The following PDE7B variants were observed in gnomAD, a reference collection of about 807,000 sequenced individuals.
PDE7B encodes 3',5'-cyclic-AMP phosphodiesterase 7B.
PDE7B carries 29 observed loss-of-function variants against 56.2 expected under a neutral mutation model. The ratio of observed to expected loss-of-function variants is 0.52; its 90% CI spans 0.38 to 0.70. The LOEUF (loss-of-function observed/expected upper bound fraction) is 0.70. Among genes scored for constraint, PDE7B ranks in the 30% least tolerant of loss-of-function variants. PDE7B has a pLI of 0.00. For missense variants in PDE7B, 490 were observed against 565.0 expected, an observed-to-expected ratio of 0.87 and a Z score of 1.35; for synonymous variants, 197 against 196.9, an observed-to-expected ratio of 1.00 and a Z score of 0.00.
chr6:136,009,994 G>A (rs111928208), intron 2 of PDE7B, among the ~76,000 whole-genome samples: 2,017 of 152,174 alleles, frequency 0.013, 48 homozygotes, highest in African/African-American at 0.046. Context: ...TAGCTTTGGG[G>A]TTGATTTGTT....
intron 11 of PDE7B, among the ~76,000 whole-genome samples, chr6:136,183,811 A>G (rs1779105826): frequency 6.6e-6 from 1 of 152,140 alleles, no homozygotes; most frequent in Non-Finnish European, 1.5e-5. Flanking sequence ...TGTCCTGGAC[A>G]AAGTACCTTT....
At chr6:135,863,204 T>C (rs1403707189) in intron 1 of PDE7B, among the ~76,000 whole-genome samples, 2 of 152,030 alleles carry the variant, frequency 1.3e-5, no homozygotes, top group Non-Finnish European at 2.9e-5. Context: ...TGTATCTTTA[T>C]TGATTTTCTT....
intron 5 of PDE7B, among the ~76,000 whole-genome samples, chr6:136,150,803 G>C (rs145789989): frequency 2.1e-3 from 312 of 152,056 alleles, no homozygotes; most frequent in African/African-American, 7.1e-3. Flanking sequence ...GTGACTTAAG[G>C]AACATTTCAA....
In PDE7B at chr6:135,967,417, T is replaced by C. The variant is rs541395230; in HGVS notation, c.82+19893T>C. On this transcript the variant is annotated intron_variant, in intron 2 of 12. Transcript: ENST00000308191. ...TATGGTCACTTTCTATCAAGAAACC[T>C]TGGTAGTTGAGTGAACCACATTTTT... 7.2e-5 allele frequency among the ~76,000 whole-genome samples: 11 copies of C among 152,352 alleles called. No homozygotes were observed. The South Asian group carries it at 2.3e-3, about 32-fold the overall frequency.
chr6:136,182,792 G>A (rs1779087117), intron 11 of PDE7B, among the ~76,000 whole-genome samples: 1 of 152,086 alleles, frequency 6.6e-6, no homozygotes, highest in African/African-American at 2.4e-5. Context: ...TCTTTTCTTG[G>A]GCCTGGTGCA....
chr6:136,170,258 T>C (rs992285139), intron 8 of PDE7B, among the ~76,000 whole-genome samples: 3 of 152,168 alleles, frequency 2.0e-5, no homozygotes, highest in African/African-American at 7.2e-5. Flanking sequence ...TTATTTTCCT[T>C]GCTTCTTTTC....
Position 135,987,499 on chromosome 6 carries a change from C to T in PDE7B, c.82+39975C>T, listed in dbSNP as rs62429928. Among the ~76,000 whole-genome samples the T allele has an allele frequency of 4.4e-3, 668 of 152,178 alleles. 2 individuals are homozygous for T. Among genetic ancestry groups the T allele is most frequent in the Non-Finnish European group, 7.1e-3 (482 of 68,006 alleles). ...TTCATTCCATTTGTGATTGTGGTAT[C>T]TCAAATGGAGGCCACCAGAACTGAG... On this transcript the variant is annotated intron_variant, in intron 2 of 12. Coordinates refer to ENST00000308191, the MANE Select transcript of PDE7B (RefSeq NM_018945.4).
intron 3 of PDE7B, among the ~76,000 whole-genome samples, chr6:136,123,928 A>G (rs1777979407): frequency 6.6e-6 from 1 of 152,212 alleles, no homozygotes; most frequent in East Asian, 1.9e-4. Context: ...AATTTTATCT[A>G]ACATTAATAG....
intron 2 of PDE7B, among the ~76,000 whole-genome samples, chr6:136,038,749 G>C (rs1183132114): frequency 1.3e-5 from 2 of 152,160 alleles, no homozygotes; most frequent in African/African-American, 4.8e-5. Context: ...CTGGGTCCTG[G>C]ACTCAGCTTG....
chr6:135,980,080 T>G (rs1775268053), intron 2 of PDE7B, among the ~76,000 whole-genome samples: 1 of 152,140 alleles, frequency 6.6e-6, no homozygotes, highest in Admixed American at 6.5e-5. Flanking sequence ...ATGGTACTGG[T>G]ACCAAAACAG....
At chr6:135,934,832 A>ATTTATT (rs1562445017) in intron 1 of PDE7B, among the ~76,000 whole-genome samples, 1 of 110,352 alleles carries the variant, frequency 9.1e-6, no homozygotes, top group Non-Finnish European at 1.7e-5. Context: ...TTAATAAATA[A>ATTTATT]ATATATATAT....
intron 2 of PDE7B, among the ~76,000 whole-genome samples, chr6:136,102,206 T>C (rs1777574380): frequency 6.6e-6 from 1 of 151,538 alleles, no homozygotes; most frequent in Non-Finnish European, 1.5e-5. Context: ...CATAAAGCCC[T>C]TCAAACAGAT....
intron 8 of PDE7B, among the ~76,000 whole-genome samples, chr6:136,173,513 G>C (rs1453654952): frequency 6.6e-6 from 1 of 152,152 alleles, no homozygotes; most frequent in Non-Finnish European, 1.5e-5. Flanking sequence ...CTGAGCTATT[G>C]GAAGAGGGGC....
intron 6 of PDE7B, among the ~76,000 whole-genome samples, chr6:136,152,636 T>A (rs1778539288): frequency 6.6e-6 from 1 of 152,242 alleles, no homozygotes; most frequent in South Asian, 2.1e-4. Context: ...GTGCATATTC[T>A]TATTTATCTG....
chr6:135,990,708 C>T (rs1223102097), intron 2 of PDE7B, among the ~76,000 whole-genome samples: 2 of 152,234 alleles, frequency 1.3e-5, no homozygotes, highest in African/African-American at 2.4e-5. Flanking sequence ...AAAATGTTCT[C>T]ACCACAAATA....
chr6:135,975,556 T>C (rs114203523), intron 2 of PDE7B, among the ~76,000 whole-genome samples: 4,608 of 152,214 alleles, frequency 0.03, 204 homozygotes, highest in African/African-American at 0.098. Context: ...TGTGTGCATA[T>C]TTGGGTTTCT....
intron 1 of PDE7B, among the ~76,000 whole-genome samples, chr6:135,858,472 AAATTTCTTCATT>A (rs146582918): frequency 0.013 from 1,991 of 152,186 alleles, 30 homozygotes; most frequent in African/African-American, 0.046. Flanking sequence ...TTTTGCTTTA[AAATTTCTTCATT>A]AATTTCTTTC....
intron 2 of PDE7B, among the ~76,000 whole-genome samples, chr6:136,020,510 C>G (rs906099623): frequency 6.6e-6 from 1 of 151,994 alleles, no homozygotes; most frequent in Non-Finnish European, 1.5e-5. Context: ...TCTTATGGAT[C>G]TCCTTTCTTA....
chr6:135,853,311 T>C (rs1226637064), intron 1 of PDE7B, among the ~76,000 whole-genome samples: 1 of 152,166 alleles, frequency 6.6e-6, no homozygotes, highest in Non-Finnish European at 1.5e-5. Flanking sequence ...TGCATAAGAC[T>C]GGAATGTACT....
Sources: gnomAD v4.1 joint callset for allele counts (sites outside exome capture counted in the v4.1 genomes callset) on GRCh38, gnomAD v4.1.1 for gene constraint, MANE v1.5 for transcripts, NCBI Gene and HGNC (gene_info 2026-07-23, HGNC 2026-07-21) for gene names.